The following CNTROB variants were observed in gnomAD, a reference collection of about 807,000 sequenced individuals.
The protein encoded by CNTROB is centrobin.
In CNTROB, 82 loss-of-function variants were observed where a neutral mutation model predicts 115.7. That is an observed-to-expected ratio of 0.71 (90% CI 0.59 to 0.85). The LOEUF (loss-of-function observed/expected upper bound fraction) is 0.85. Ranked by LOEUF, CNTROB falls within the 40% of genes least tolerant of loss-of-function variation. The pLI is 0.00. For missense variants in CNTROB, 1,014 were observed against 1,144.4 expected, an observed-to-expected ratio of 0.89 and a Z score of 1.64; for synonymous variants, 439 against 456.4, an observed-to-expected ratio of 0.96 and a Z score of 0.49.
At chr17:7,947,809 T>C (rs1974733600) in intron 14 of CNTROB, 87 bp downstream of exon 14, 2 of 1,606,248 alleles carry the variant, frequency 1.2e-6, no homozygotes, top group African/African-American at 2.7e-5. Flanking sequence ...GACTCTGGCC[T>C]CATTCCCTGT....
Position 7,937,225 on chromosome 17 carries a change from A to C in CNTROB, c.890A>C (p.Glu297Ala). ...EAMEALNREQ[E>A]SARLQQRERE... ...ATGGAGGCCCTGAATCGTGAGCAGG[A>C]AAGTGCCAGACTGCAGCAACGGGAA... Residue 297 changes from glutamate (E) to alanine (A), a missense_variant, in exon 7 of 19, where the codon GAA (glutamate) becomes GCA (alanine). Physicochemically the swap from Glu to Ala is moderately radical, Grantham distance 107 (BLOSUM62 -1). Transcript: ENST00000563694. 6.2e-7 allele frequency: 1 copy of C among 1,614,168 alleles called. No homozygotes were observed. The highest frequency in any genetic ancestry group is 8.5e-7 in the Non-Finnish European group (1 of 1,180,010).
chr17:7,936,123 GA>G, intron 4 of CNTROB: 1 of 469,974 alleles, frequency 2.1e-6, no homozygotes, highest in Non-Finnish European at 3.8e-6. Flanking sequence ...GGAGATCCAG[GA>G]AAAGGAGGAG....
intron 9 of CNTROB, among the ~76,000 whole-genome samples, chr17:7,941,573 TG>T (rs1203188098): frequency 8.0e-6 from 1 of 125,318 alleles, no homozygotes; most frequent in Non-Finnish European, 1.6e-5. Flanking sequence ...TACTCCAGCC[TG>T]GGCAACAGAG....
Position 7,943,460 on chromosome 17 carries a change from G to C in CNTROB, c.1381G>C (p.Glu461Gln). 2 of 1,613,912 alleles carry C rather than the reference G, an allele frequency of 1.2e-6. No homozygotes were observed. Among genetic ancestry groups the C allele is most frequent in the South Asian group, 1.1e-5 (1 of 91,052 alleles). ...LAVQLEQRVT[E>Q]RLAQAQESSL... ...TGTGCAGCTGGAGCAGCGGGTGACA[G>C]AGCGGCTGGCGCAGGCTCAGGAGAG... The change falls in exon 10 of 19, where the codon GAG becomes CAG. Residue 461 changes from glutamate (E) to glutamine (Q), a missense_variant. Coordinates refer to ENST00000563694, the MANE Select transcript of CNTROB (RefSeq NM_053051.5). This position sits in a 1 kb window ranked among gnomAD's most constrained non-coding sequence, Gnocchi z 4.7.
intron 8 of CNTROB, 56 bp from the exon 9 acceptor site, chr17:7,940,040 G>C: frequency 6.6e-7 from 1 of 1,515,722 alleles, no homozygotes; most frequent in Non-Finnish European, 8.8e-7. Context: ...GGGGAGTGTA[G>C]GTAACCAGGA....
chr17:7,946,051 C>T, intron 13 of CNTROB, 65 bp downstream of exon 13: 1 of 1,420,292 alleles, frequency 7.0e-7, no homozygotes, highest in Non-Finnish European at 9.8e-7. Context: ...TCTTTCGTAC[C>T]CTGCTTTCTG....
At position 7,949,089 on chromosome 17, in the gene CNTROB, G is replaced by A; in HGVS notation, c.2518G>A (p.Asp840Asn). The change falls in exon 18 of 19, where the codon GAT becomes AAT. Residue 840 changes from aspartate (D) to asparagine (N), a missense_variant. Coordinates refer to ENST00000563694, the MANE Select transcript of CNTROB (RefSeq NM_053051.5). Reference protein sequence around the residue: ...YLKRLEHSGTDGRGDNVPRRN... With the variant: ...YLKRLEHSGTNGRGDNVPRRN... ...TACCTTTGATTTGTGTAGCAGGACT[G>A]ATGGCCGAGGGGATAATGTCCCCAG... 6.2e-7 allele frequency: 1 copy of A among 1,614,054 alleles called. No individual in the cohort carries two copies. The highest frequency in any genetic ancestry group is 1.1e-5 in the South Asian group (1 of 91,076).
Position 7,949,234 on chromosome 17 carries a change from G to T in CNTROB, c.2586+77G>T, listed in dbSNP as rs543843976. On this transcript the variant is annotated intron_variant, in intron 18 of 18. Transcript: ENST00000563694. ...GCTCCTTCACCTCTGCACACTCCTGGCTGGCCCCTCCATTCCACCCCTGCA... is the reference window on the plus strand; with the variant it reads ...GCTCCTTCACCTCTGCACACTCCTGTCTGGCCCCTCCATTCCACCCCTGCA... 10 of 1,564,828 alleles carry T rather than the reference G, an allele frequency of 6.4e-6. No individual in the cohort carries two copies. In the East Asian group the frequency reaches 2.2e-4, roughly 35 times the overall value.
chr17:7,947,509 G>C, intron 13 of CNTROB, 62 bp from the exon 14 acceptor site: 1 of 1,468,474 alleles, frequency 6.8e-7, no homozygotes, highest in Non-Finnish European at 9.1e-7. Context: ...GAGTTGATTT[G>C]TGGAGAAGCC....
Position 7,944,445 on chromosome 17 carries a change from C to T in CNTROB, c.1572-31C>T, listed in dbSNP as rs760067235. 1.2e-5 allele frequency: 19 copies of T among 1,607,306 alleles called. No individual in the cohort carries two copies. Among genetic ancestry groups the T allele is most frequent in the Non-Finnish European group, 1.5e-5 (18 of 1,175,118 alleles). On this transcript the variant is annotated intron_variant, in intron 11 of 18. Coordinates refer to ENST00000563694, the MANE Select transcript of CNTROB (RefSeq NM_053051.5). The surrounding 1 kb of genome is among the most constrained non-coding windows in gnomAD (Gnocchi z 4.0). The stretch of plus-strand genomic sequence containing the variant: ...TCCCAAGTATCTGCTTCCTTAAAGG[C>T]CCTGAGTCACTTCTTCTCTCTTTGC...
At position 7,934,548 on chromosome 17, in the gene CNTROB, T is replaced by C; in HGVS notation, c.437+2T>C. On this transcript the variant is annotated splice_donor_variant, in intron 3 of 18. Transcript: ENST00000563694. LOFTEE classifies it high-confidence loss of function. ...TGATAGCACAGCCACCTTGCTCAAG[T>C]GAGTTCTCCTTGTGGTTCTCCTAGC... 6.2e-7 allele frequency: 1 copy of C among 1,611,454 alleles called. No homozygotes were observed. Among genetic ancestry groups the C allele is most frequent in the Non-Finnish European group, 8.5e-7 (1 of 1,177,566 alleles).
In CNTROB at chr17:7,939,451, A is replaced by G; in HGVS notation, c.928-62A>G. 7.3e-7 allele frequency: 1 copy of G among 1,371,942 alleles called. No homozygotes were observed. Among genetic ancestry groups the G allele is most frequent in the Non-Finnish European group, 1.0e-6 (1 of 967,774 alleles). 85.0% of individuals were successfully genotyped at this position (1,371,942 alleles called of 1,614,324 possible). A position where few individuals can be genotyped will look rare whatever the true frequency, so the allele number is the denominator to read the frequency against. On this transcript the variant is annotated intron_variant, in intron 7 of 18. Coordinates refer to ENST00000563694, the MANE Select transcript of CNTROB (RefSeq NM_053051.5). The surrounding 1 kb of genome is among the most constrained non-coding windows in gnomAD (Gnocchi z 4.4). ...AGCAGGCACCTTGTATGAGGGTCAG[A>G]GGGCAGATCGCTGGTCTCTGAAGAG...
chr17:7,934,545 A>G lies in CNTROB; in HGVS notation c.436A>G (p.Asn146Asp), dbSNP rs1036387862. Residue 146 changes from asparagine to aspartate, a missense_variant and splice_region_variant, in exon 3 of 19, where the codon AAC becomes GAC. Coordinates refer to ENST00000563694, the MANE Select transcript of CNTROB (RefSeq NM_053051.5). ...CAGTGATAGCACAGCCACCTTGCTC[A>G]AGTGAGTTCTCCTTGTGGTTCTCCT... ...FDSDSTATLLNTRPLQDLSPS... is the reference protein window; with the variant it reads ...FDSDSTATLLDTRPLQDLSPS... 6 of 1,612,244 alleles carry G rather than the reference A, an allele frequency of 3.7e-6. No individual in the cohort carries two copies. The highest frequency in any genetic ancestry group is 2.7e-5 in the African/African-American group (2 of 74,864).
chr17:7,933,062 T>C lies in CNTROB; in HGVS notation c.-18T>C. The C allele has an allele frequency of 3.7e-6, 6 of 1,608,954 alleles. No individual in the cohort carries two copies. The highest frequency in any genetic ancestry group is 5.1e-6 in the Non-Finnish European group (6 of 1,177,544). On this transcript the variant is annotated 5_prime_UTR_variant, in exon 1 of 19. Transcript: ENST00000563694. ...CTCCCAGCTCTTTGCTGTCTCCGGT[T>C]GTCTCTTCCCTGTATTCATGGCAAC...
chr17:7,937,097 T>C (rs1347445802), intron 6 of CNTROB, 67 bp from the exon 7 acceptor site: 3 of 1,589,968 alleles, frequency 1.9e-6, no homozygotes, highest in Non-Finnish European at 2.6e-6. Context: ...TTGTCAATGC[T>C]TTATAAAATA....
At position 7,933,305 on chromosome 17, in the gene CNTROB, A is replaced by G. The variant is rs1250610336; in HGVS notation, c.226A>G (p.Ser76Gly). 6.2e-7 allele frequency: 1 copy of G among 1,614,036 alleles called. No homozygotes were observed. Among genetic ancestry groups the G allele is most frequent in the Non-Finnish European group, 8.5e-7 (1 of 1,180,006 alleles). Residue 76 changes from serine (S) to glycine (G), a missense_variant, in exon 1 of 19, where the codon AGT (serine) becomes GGT (glycine). Transcript: ENST00000563694. Reference sequence around the variant, plus strand: ...GTTAGACGGCTTCGCCCAAGAATTGAGTCGAAGCTTGTCAGTCGGATTGGA... The same window carrying G: ...GTTAGACGGCTTCGCCCAAGAATTGGGTCGAAGCTTGTCAGTCGGATTGGA... ...EGLDGFAQEL[S>G]RSLSVGLEKN...
chr17:7,932,787 G>A lies in CNTROB; in HGVS notation c.-293G>A, dbSNP rs72841443. Reference sequence around the variant, plus strand: ...AGTCGGGAAGAGGAGCTTCAGCAGCGCTGTTGTCCCACAGTAGGTCTTCTG... The same window carrying A: ...AGTCGGGAAGAGGAGCTTCAGCAGCACTGTTGTCCCACAGTAGGTCTTCTG... On this transcript the variant is annotated 5_prime_UTR_variant, in exon 1 of 19. Coordinates refer to ENST00000563694, the MANE Select transcript of CNTROB (RefSeq NM_053051.5). 27,494 of 352,362 alleles carry A rather than the reference G, an allele frequency of 0.078. 1,331 individuals are homozygous for A. Among genetic ancestry groups the A allele is most frequent in the South Asian group, 0.13 (2,436 of 18,076 alleles). 21.8% of individuals were successfully genotyped at this position (352,362 alleles called of 1,614,324 possible).
intron 7 of CNTROB, among the ~76,000 whole-genome samples, chr17:7,938,742 T>G (rs1215992814): frequency 2.0e-5 from 3 of 152,202 alleles, no homozygotes; most frequent in African/African-American, 7.2e-5. Context: ...ACAGGAACTC[T>G]TATCTACTAT....
At chr17:7,942,964 G>A (rs1974087677) in intron 9 of CNTROB, among the ~76,000 whole-genome samples, 1 of 150,704 alleles carries the variant, frequency 6.6e-6, no homozygotes, top group Admixed American at 6.6e-5. Flanking sequence ...AACACGCCCG[G>A]CTAATTTTTT....
Sources: allele counts gnomAD v4.1 joint callset (sites outside exome capture counted in the v4.1 genomes callset), GRCh38; gene constraint gnomAD v4.1.1; non-coding constraint Gnocchi (gnomAD v3.1); transcripts MANE v1.5; gene names NCBI Gene and HGNC (gene_info 2026-07-23, HGNC 2026-07-21).